Variants in CFAP47 observed in about 807,000 individuals in gnomAD.
CFAP47 encodes the protein cilia and flagella associated protein 47, also known as cilia- and flagella-associated protein 47.
A neutral mutation model predicts 148.1 loss-of-function variants in CFAP47; 29 were observed. The ratio of observed to expected loss-of-function variants is 0.20; its 90% CI spans 0.15 to 0.27. The LOEUF (loss-of-function observed/expected upper bound fraction) is 0.27. Among genes scored for constraint, CFAP47 ranks in the 10% least tolerant of loss-of-function variants. CFAP47 has a pLI of 1.00. For missense variants in CFAP47, 1,872 were observed against 1,697.5 expected (o/e 1.10, Z -1.81); for synonymous variants, 664 against 577.3 (o/e 1.15, Z -2.15).
At chrX:36,242,528 A>T (rs191116671) in intron 48 of CFAP47, among the ~76,000 whole-genome samples, 1 of 112,495 alleles carries the variant, frequency 8.9e-6, no homozygotes, top group Non-Finnish European at 1.9e-5. Flanking sequence ...CAAGAATTTC[A>T]TAATGCAAAT....
intron 33 of CFAP47, among the ~76,000 whole-genome samples, chrX:36,106,627 A>G (rs1386546367): frequency 2.7e-5 from 3 of 111,843 alleles, no homozygotes; most frequent in African/African-American, 9.8e-5. Context: ...TCAAAGAACA[A>G]TGTATTATTC....
At chrX:35,966,526 C>T in intron 8 of CFAP47, 39 bp from the exon 9 acceptor site, 5 of 910,218 alleles carry the variant, frequency 5.5e-6, no homozygotes, top group African/African-American at 2.1e-5. Context: ...TTTTTTTCTA[C>T]CAATTTATTA....
rs1228349089 is a variant in CFAP47 at position 36,145,337 on chromosome X, A to G, written c.5654A>G (p.Asp1885Gly). The G allele has an allele frequency of 1.6e-4, 47 of 295,670 alleles. No homozygotes were observed. In the East Asian group the frequency reaches 2.2e-3, roughly 14 times the overall value. 24.4% of individuals were successfully genotyped at this position (295,670 alleles called of 1,213,427 possible). Residue 1885 changes from aspartate (D) to glycine (G), a missense_variant, in exon 36 of 64, where the codon GAC becomes GGC. Asp to Gly is a moderately conservative substitution (Grantham distance 94). Coordinates refer to ENST00000378653, the MANE Select transcript of CFAP47 (RefSeq NM_001304548.2). ...GTGTCCTTTGAATGTACTCTACATG[A>G]CACGGTGCTGAATAAGGTAAGGATA... ...KVVSFECTLHDTVLNKILLKN... is the reference protein window; with the variant it reads ...KVVSFECTLHGTVLNKILLKN...
chrX:36,145,475 A>G, intron 36 of CFAP47, 122 bp downstream of exon 36: 1 of 283,329 alleles, frequency 3.5e-6, no homozygotes. Context: ...ATTAAAAGTG[A>G]ATAAGCCTTA....
chrX:36,241,142 G>A (rs1940538971), intron 48 of CFAP47, among the ~76,000 whole-genome samples: 1 of 111,758 alleles, frequency 8.9e-6, no homozygotes, highest in Admixed American at 9.4e-5. Flanking sequence ...AAGGAACTAA[G>A]GTACAGCTTA....
intron 27 of CFAP47, 71 bp downstream of exon 27, chrX:36,065,814 G>A: frequency 1.7e-6 from 1 of 572,675 alleles, no homozygotes. Flanking sequence ...TAGAAATAAA[G>A]TGAATTTAAA....
chrX:36,339,008 C>T (rs1556015335), intron 57 of CFAP47, among the ~76,000 whole-genome samples: 1 of 112,309 alleles, frequency 8.9e-6, no homozygotes. Context: ...ATTCTGGAAT[C>T]TCTGACTCAA....
chrX:36,339,859 C>T (rs998021626), intron 57 of CFAP47, among the ~76,000 whole-genome samples: 1 of 112,146 alleles, frequency 8.9e-6, no homozygotes, highest in Admixed American at 9.5e-5. Context: ...CATATTTGCA[C>T]TGAATAACCC....
At chrX:36,103,412 C>G (rs1376062559) in intron 32 of CFAP47, among the ~76,000 whole-genome samples, 2 of 101,196 alleles carry the variant, frequency 2.0e-5, no homozygotes, top group Non-Finnish European at 2.0e-5. Flanking sequence ...AATTCCCTGA[C>G]CATCTTTGGT....
intron 37 of CFAP47, among the ~76,000 whole-genome samples, chrX:36,149,753 C>T (rs943470113): frequency 9.3e-6 from 1 of 108,055 alleles, no homozygotes; most frequent in Non-Finnish European, 1.9e-5. Flanking sequence ...GGATTACGGG[C>T]GCCTGCCACC....
intron 39 of CFAP47, among the ~76,000 whole-genome samples, chrX:36,173,122 A>G (rs1447796832): frequency 9.0e-6 from 1 of 111,256 alleles, no homozygotes; most frequent in African/African-American, 3.3e-5. Context: ...GGTAGTTTGT[A>G]TTTCTGTGGG....
chrX:35,999,431 A>G (rs965063625), intron 19 of CFAP47, among the ~76,000 whole-genome samples: 1 of 112,227 alleles, frequency 8.9e-6, no homozygotes, highest in African/African-American at 3.2e-5. Context: ...TGTGAGCTAC[A>G]GCTCAGATAC....
chrX:36,094,652 T>C (rs1181050728), intron 30 of CFAP47, among the ~76,000 whole-genome samples: 1 of 111,170 alleles, frequency 9.0e-6, no homozygotes, highest in Non-Finnish European at 1.9e-5. Context: ...GGGACTCCTG[T>C]TTTAAAATGT....
intron 22 of CFAP47, among the ~76,000 whole-genome samples, chrX:36,019,362 T>C (rs1374127498): frequency 8.9e-6 from 1 of 111,952 alleles, no homozygotes; most frequent in Non-Finnish European, 1.9e-5. Context: ...GATTTGCAGG[T>C]AATAAACTTC....
At chrX:36,259,801 C>T (rs922334922) in intron 49 of CFAP47, among the ~76,000 whole-genome samples, 3 of 111,143 alleles carry the variant, frequency 2.7e-5, no homozygotes, top group African/African-American at 9.8e-5. Context: ...GTGCAAATGA[C>T]TTTGTCACCA....
chrX:36,371,706 A>ATATATGTGTGTATATACACACATGTGTG (rs1941947688), intron 62 of CFAP47, among the ~76,000 whole-genome samples: 3 of 58,989 alleles, frequency 5.1e-5, no homozygotes, highest in Non-Finnish European at 8.4e-5. Context: ...ACACATGTGT[A>ATATATGTGTGTATATACACACATGTGTG]TATATGTGTG....
intron 26 of CFAP47, among the ~76,000 whole-genome samples, chrX:36,057,136 T>C (rs987400446): frequency 2.7e-5 from 3 of 111,915 alleles, no homozygotes; most frequent in African/African-American, 9.7e-5. Context: ...CAGATGAGGA[T>C]GTCAATTTCT....
At chrX:35,932,070 G>T (rs1021934022) in intron 2 of CFAP47, among the ~76,000 whole-genome samples, 57 of 96,192 alleles carry the variant, frequency 5.9e-4, no homozygotes, top group Admixed American at 1.9e-3. Flanking sequence ...CTTTTTTGAG[G>T]CAGGGTCTTC....
intron 33 of CFAP47, among the ~76,000 whole-genome samples, chrX:36,137,633 T>A (rs1365509049): frequency 9.0e-6 from 1 of 110,914 alleles, no homozygotes; most frequent in East Asian, 2.9e-4. Flanking sequence ...GATCATTGAT[T>A]AAACATTTGA....
Sources: allele counts gnomAD v4.1 joint callset (sites outside exome capture counted in the v4.1 genomes callset), GRCh38; gene constraint gnomAD v4.1.1; transcripts MANE v1.5; gene names NCBI Gene and HGNC (gene_info 2026-07-23, HGNC 2026-07-21).